Variants in IMMP2L observed in about 807,000 individuals in gnomAD.
The protein encoded by IMMP2L is mitochondrial inner membrane protease subunit 2.
Under a neutral mutation model 19.3 loss-of-function variants are expected in IMMP2L, and 18 were observed. The ratio of observed to expected loss-of-function variants is 0.93; its 90% CI spans 0.64 to 1.38. The LOEUF (loss-of-function observed/expected upper bound fraction) is 1.38, where lower values mean the gene tolerates loss of function less well. Ranked by LOEUF, IMMP2L falls within the 40% of genes most tolerant of loss-of-function variation. The probability of loss-of-function intolerance (pLI) is 0.00; values close to 1 mark genes in which losing one functional copy is unlikely to be tolerated. For synonymous variants in IMMP2L, 76 were observed against 73.0 expected (o/e 1.04, Z -0.21); for missense variants, 233 against 218.2 (o/e 1.07, Z -0.43).
At chr7:111,146,228 G>C (rs576221834) in intron 3 of IMMP2L, among the ~76,000 whole-genome samples, 44 of 123,590 alleles carry the variant, frequency 3.6e-4, no homozygotes, top group Non-Finnish European at 6.8e-4. Flanking sequence ...TATGAGGAAG[G>C]AAAGAGGTGG....
At chr7:111,214,190 A>G (rs1811638273) in intron 3 of IMMP2L, among the ~76,000 whole-genome samples, 1 of 152,140 alleles carries the variant, frequency 6.6e-6, no homozygotes, top group South Asian at 2.1e-4. Context: ...TGAAACACTC[A>G]AAACAAATTT....
intron 3 of IMMP2L, among the ~76,000 whole-genome samples, chr7:111,323,584 G>A (rs1485077738): frequency 1.3e-5 from 2 of 152,024 alleles, no homozygotes; most frequent in East Asian, 1.9e-4. Context: ...TCAGTGTGGC[G>A]ATTCCTCAGG....
rs148428385 is a variant in IMMP2L at position 110,930,551 on chromosome 7, T to TA, written c.305+32948dup. On this transcript the variant is annotated intron_variant, in intron 4 of 5. Coordinates refer to ENST00000405709, the MANE Select transcript of IMMP2L (RefSeq NM_032549.4). ...TTTCTACTTTACTAAGGAGGACAGA[T>TA]AGTGAGGTTTGGAATAGTTAAGAAC... is the stretch of plus-strand genomic sequence containing the variant. Among the ~76,000 whole-genome samples, 1,498 of 152,284 alleles carry TA rather than the reference T, an allele frequency of 9.8e-3. 22 individuals carry two copies. Among genetic ancestry groups the TA allele is most frequent in the African/African-American group, 0.033 (1,384 of 41,558 alleles).
At chr7:111,405,706 C>A (rs1833848721) in intron 3 of IMMP2L, among the ~76,000 whole-genome samples, 1 of 152,166 alleles carries the variant, frequency 6.6e-6, no homozygotes, top group South Asian at 2.1e-4. Context: ...TCCCATTATT[C>A]CTAACCTCTA....
rs186446216 is a variant in IMMP2L, at chr7:111,472,442, A to G, written c.239+14796T>C. Reference sequence around the variant, plus strand: ...AAATATAGCTATAGTATATGATGATATACTGTATTTCAAATTCTGGCAAGA... The same window carrying G: ...AAATATAGCTATAGTATATGATGATGTACTGTATTTCAAATTCTGGCAAGA... On this transcript the variant is annotated intron_variant, in intron 3 of 5. Coordinates refer to ENST00000405709, the MANE Select transcript of IMMP2L (RefSeq NM_032549.4). Among the ~76,000 whole-genome samples, 56 of 152,274 alleles carry G rather than the reference A, an allele frequency of 3.7e-4. 1 individual carries two copies. Among genetic ancestry groups the G allele is most frequent in the African/African-American group, 1.2e-3 (51 of 41,556 alleles).
intron 3 of IMMP2L, among the ~76,000 whole-genome samples, chr7:111,189,513 C>T (rs916252780): frequency 9.2e-5 from 14 of 151,784 alleles, no homozygotes; most frequent in Non-Finnish European, 1.9e-4. Context: ...TTACACTCTA[C>T]TCATAGATTA....
chr7:111,253,934 A>C (rs1404598580), intron 3 of IMMP2L, among the ~76,000 whole-genome samples: 1 of 152,170 alleles, frequency 6.6e-6, no homozygotes, highest in Non-Finnish European at 1.5e-5. Context: ...AAACATACTG[A>C]TTGTTCAATA....
At chr7:111,398,331 G>A (rs913947453) in intron 3 of IMMP2L, among the ~76,000 whole-genome samples, 2 of 152,030 alleles carry the variant, frequency 1.3e-5, no homozygotes, top group South Asian at 2.1e-4. Context: ...ACATACACAA[G>A]TCAATAACTG....
chr7:110,748,713 T>C (rs1698334739), intron 5 of IMMP2L, among the ~76,000 whole-genome samples: 1 of 152,140 alleles, frequency 6.6e-6, no homozygotes, highest in Non-Finnish European at 1.5e-5. Context: ...AAACTGAAAC[T>C]AGATCCCTTC....
chr7:110,766,201 T>C (rs1211627830), intron 5 of IMMP2L, among the ~76,000 whole-genome samples: 1 of 152,164 alleles, frequency 6.6e-6, no homozygotes, highest in East Asian at 1.9e-4. Flanking sequence ...ATTGGTGAAA[T>C]ACAATCTAAA....
At chr7:110,822,854 C>G (rs1235326403) in intron 5 of IMMP2L, among the ~76,000 whole-genome samples, 2 of 152,104 alleles carry the variant, frequency 1.3e-5, no homozygotes, top group African/African-American at 2.4e-5. Context: ...TCTTTCTGCT[C>G]CATTGGCCAC....
At position 111,297,057 on chromosome 7, in the gene IMMP2L, G is replaced by T. The variant is rs137890404; in HGVS notation, c.239+190181C>A. 4.3e-3 allele frequency among the ~76,000 whole-genome samples: 649 copies of T among 152,068 alleles called. 4 individuals are homozygous for T. The highest frequency in any genetic ancestry group is 0.02 in the Middle Eastern group (6 of 294). ...AAAGTGGAGAGGAAATGGAGAAAAG[G>T]GAGCCAAAAGGGATGCATAAGAATA... On this transcript the variant is annotated intron_variant, in intron 3 of 5. Coordinates refer to ENST00000405709, the MANE Select transcript of IMMP2L (RefSeq NM_032549.4).
intron 3 of IMMP2L, among the ~76,000 whole-genome samples, chr7:111,326,071 T>C (rs1050038298): frequency 6.6e-6 from 1 of 151,790 alleles, no homozygotes; most frequent in Admixed American, 6.6e-5. Context: ...TTAGATTTCA[T>C]AAAATCTCCT....
intron 3 of IMMP2L, among the ~76,000 whole-genome samples, chr7:110,976,745 G>A (rs1018573211): frequency 6.6e-6 from 1 of 151,906 alleles, no homozygotes; most frequent in Non-Finnish European, 1.5e-5. Flanking sequence ...GTCCACCTTT[G>A]ATAGGCACAG....
At chr7:111,039,721 A>T (rs772289708) in intron 3 of IMMP2L, among the ~76,000 whole-genome samples, 8 of 152,136 alleles carry the variant, frequency 5.3e-5, no homozygotes, top group Non-Finnish European at 1.2e-4. Flanking sequence ...AAAATATGAA[A>T]CTCAAGAAGT....
chr7:111,498,999 C>T (rs1843874234), intron 2 of IMMP2L, among the ~76,000 whole-genome samples: 1 of 151,870 alleles, frequency 6.6e-6, no homozygotes, highest in Non-Finnish European at 1.5e-5. Context: ...TCTACTGCTA[C>T]AAAACAAACC....
chr7:111,331,517 T>A (rs948850713), intron 3 of IMMP2L, among the ~76,000 whole-genome samples: 2 of 151,790 alleles, frequency 1.3e-5, no homozygotes, highest in African/African-American at 4.8e-5. Flanking sequence ...TTATAGTCAA[T>A]AATAGAGTAC....
At chr7:110,674,641 C>G (rs988482119) in intron 5 of IMMP2L, among the ~76,000 whole-genome samples, 1 of 152,132 alleles carries the variant, frequency 6.6e-6, no homozygotes, top group Non-Finnish European at 1.5e-5. Context: ...GTTTGAAAGT[C>G]AAAACGAACT....
chr7:111,403,260 C>T (rs1035790530), intron 3 of IMMP2L, among the ~76,000 whole-genome samples: 1 of 151,834 alleles, frequency 6.6e-6, no homozygotes, highest in Admixed American at 6.6e-5. Context: ...GTCCTCCCCC[C>T]TCACTCTCTC....
Sources: allele counts gnomAD v4.1 joint callset (sites outside exome capture counted in the v4.1 genomes callset), GRCh38; gene constraint gnomAD v4.1.1; transcripts MANE v1.5; gene names NCBI Gene and HGNC (gene_info 2026-07-23, HGNC 2026-07-21).